SLC43A1: variants seen among roughly 807,000 people sequenced by gnomAD.
SLC43A1 encodes the protein solute carrier family 43 member 1.
SLC43A1 carries 31 observed loss-of-function variants against 59.5 expected under a neutral mutation model. That is an observed-to-expected ratio of 0.52 (90% confidence interval 0.39 to 0.70). SLC43A1 has a LOEUF of 0.70. Among genes scored for constraint, SLC43A1 ranks in the 30% least tolerant of loss-of-function variants. The probability of loss-of-function intolerance (pLI) is 0.00; values close to 1 mark genes in which losing one functional copy is unlikely to be tolerated. For synonymous variants in SLC43A1, 259 were observed against 290.9 expected, an observed-to-expected ratio of 0.89 and a Z score of 1.12; for missense variants, 598 against 717.8, an observed-to-expected ratio of 0.83 and a Z score of 1.91.
At chr11:57,495,294 G>A (rs1261390730) in intron 7 of SLC43A1, among the ~76,000 whole-genome samples, 1 of 151,770 alleles carries the variant, frequency 6.6e-6, no homozygotes, top group Non-Finnish European at 1.5e-5. Context: ...TTCAAGACCA[G>A]CCTGGCCAAC....
chr11:57,513,943 C>CCCCCCAAATTA lies in SLC43A1; in HGVS notation c.154+14_154+15insTAATTTGGGGG. ...ATCCCTCCCCCCAGCCCACCCAGCC[C>CCCCCCAAATTA]ATTTTCAGGCATACCTGGGCACGTG... On this transcript the variant is annotated intron_variant, in intron 2 of 14. Coordinates refer to ENST00000278426, the MANE Select transcript of SLC43A1 (RefSeq NM_003627.6). The CCCCCCAAATTA allele has an allele frequency of 2.7e-6, 4 of 1,454,690 alleles. No individual in the cohort carries two copies. The highest frequency in any genetic ancestry group is 1.4e-5 in the African/African-American group (1 of 71,724). 90.1% of individuals were successfully genotyped at this position (1,454,690 alleles called of 1,614,324 possible).
chr11:57,508,906 C>T (rs1218870696), intron 2 of SLC43A1, among the ~76,000 whole-genome samples: 1 of 151,874 alleles, frequency 6.6e-6, no homozygotes, highest in Non-Finnish European at 1.5e-5. Flanking sequence ...CACTTGAGGC[C>T]GGGAGTTCCA....
Position 57,515,396 on chromosome 11 carries a change from C to T in SLC43A1, c.-14+48G>A, listed in dbSNP as rs1377068553. ...CGGCCTCGGTGTCTCTCAGCCGACG[C>T]ATAGCCGGAGACCCTACGCGCGCCC... On this transcript the variant is annotated intron_variant, in intron 1 of 14. Transcript: ENST00000278426. This position sits in a 1 kb window ranked among gnomAD's most constrained non-coding sequence, Gnocchi z 5.3. 6.6e-6 allele frequency: 1 copy of T among 152,268 alleles called. No homozygotes were observed. The highest frequency in any genetic ancestry group is 2.4e-5 in the African/African-American group (1 of 41,470). The allele number at this position is 152,268 out of a possible 1,614,324, so 9.4% of individuals were successfully genotyped here.
chr11:57,499,687 G>T (rs1037007819), intron 5 of SLC43A1: 10 of 152,598 alleles, frequency 6.6e-5, no homozygotes, highest in African/African-American at 2.4e-4. Context: ...CGGCCCAGGG[G>T]GCGGGGCCGG....
chr11:57,495,335 C>T (rs1944047402), intron 7 of SLC43A1, among the ~76,000 whole-genome samples: 1 of 151,254 alleles, frequency 6.6e-6, no homozygotes, highest in South Asian at 2.1e-4. Flanking sequence ...CTAAAAAATA[C>T]AAAAATTAGC....
chr11:57,491,934 G>A, intron 8 of SLC43A1, 72 bp from the exon 9 acceptor site: 7 of 1,440,318 alleles, frequency 4.9e-6, no homozygotes, highest in Non-Finnish European at 6.7e-6. Context: ...AGCTCATGCA[G>A]TTCTTGGGGG....
intron 2 of SLC43A1, among the ~76,000 whole-genome samples, chr11:57,503,964 A>C (rs1944331515): frequency 6.6e-6 from 1 of 152,114 alleles, no homozygotes; most frequent in Admixed American, 6.6e-5. Context: ...GAGGCCAAGG[A>C]GGGTAAATCA....
At chr11:57,491,134 A>C in intron 11 of SLC43A1, 90 bp downstream of exon 11, 2 of 1,415,206 alleles carry the variant, frequency 1.4e-6, no homozygotes, top group Non-Finnish European at 1.9e-6. Flanking sequence ...TCTTGGGAGA[A>C]AGCAACAAGT....
chr11:57,490,980 T>A (rs1218084121), intron 11 of SLC43A1, among the ~76,000 whole-genome samples: 1 of 152,124 alleles, frequency 6.6e-6, no homozygotes, highest in African/African-American at 2.4e-5. Flanking sequence ...CTCAAAGAGG[T>A]GTTGTAGGAC....
In SLC43A1 at chr11:57,484,778, C is replaced by G. The variant is rs1296508299; in HGVS notation, c.*318G>C. The G allele has an allele frequency of 7.8e-6, 2 of 256,820 alleles. No individual in the cohort carries two copies. Among genetic ancestry groups the G allele is most frequent in the Non-Finnish European group, 1.5e-5 (2 of 132,940 alleles). 15.9% of individuals were successfully genotyped at this position (256,820 alleles called of 1,614,324 possible). ...CAGGGGTAGCCTGTTTGCCGATCCC[C>G]CCAAGAGGTACCAGGAGGCAGACCG... On this transcript the variant is annotated 3_prime_UTR_variant, in exon 15 of 15. Transcript: ENST00000278426.
intron 10 of SLC43A1, 50 bp downstream of exon 10, chr11:57,491,541 G>T (rs112839175): frequency 6.2e-7 from 1 of 1,610,618 alleles, no homozygotes; most frequent in South Asian, 1.1e-5. Context: ...CCTGAGAAGC[G>T]GGTTGCAGTG....
intron 2 of SLC43A1, among the ~76,000 whole-genome samples, chr11:57,509,594 A>AAAGGAAGGAAGGAAGGAAGGAAGG (rs1218558916): frequency 4.1e-4 from 32 of 78,666 alleles, no homozygotes; most frequent in African/African-American, 1.3e-3. Context: ...TCAGAAGGAC[A>AAAGGAAGGAAGGAAGGAAGGAAGG]AAGGAAGGAA....
At chr11:57,497,629 T>C (rs1273861348) in intron 6 of SLC43A1, 124 bp downstream of exon 6, 8 of 661,246 alleles carry the variant, frequency 1.2e-5, no homozygotes, top group South Asian at 3.8e-5. Context: ...AAGGCCTGCA[T>C]TGGGATGATG....
intron 10 of SLC43A1, 67 bp from the exon 11 acceptor site, chr11:57,491,429 G>A: frequency 6.4e-7 from 1 of 1,558,192 alleles, no homozygotes; most frequent in Non-Finnish European, 8.7e-7. Context: ...ACCCCTTCCA[G>A]CGGAGGCCAG....
At chr11:57,493,922 A>G (rs1944002598) in intron 8 of SLC43A1, 71 bp downstream of exon 8, 2 of 1,442,158 alleles carry the variant, frequency 1.4e-6, no homozygotes, top group Non-Finnish European at 9.3e-7. Flanking sequence ...ATACTCAACC[A>G]TGAGTGCTCA....
rs1355919895 is a variant in SLC43A1 at position 57,491,221 on chromosome 11, C to A, written c.1193+3G>T. Reference sequence around the variant, plus strand: ...TGTCACCATCCCTGTACAGGCAGGTCACCTGGCATCTCCGAGGACAGTGCC... The same window carrying A: ...TGTCACCATCCCTGTACAGGCAGGTAACCTGGCATCTCCGAGGACAGTGCC... On this transcript the variant is annotated splice_donor_region_variant and intron_variant, in intron 11 of 14. Transcript: ENST00000278426. The A allele has an allele frequency of 1.3e-6, 2 of 1,557,762 alleles. No homozygotes were observed. The highest frequency in any genetic ancestry group is 1.7e-6 in the Non-Finnish European group (2 of 1,149,810).
chr11:57,506,892 G>A (rs1271035059), intron 2 of SLC43A1, among the ~76,000 whole-genome samples: 5 of 152,198 alleles, frequency 3.3e-5, no homozygotes, highest in Non-Finnish European at 7.3e-5. Flanking sequence ...CACTTATGCT[G>A]GATATAGAGT....
In SLC43A1 at chr11:57,493,973, C is replaced by A. The variant is rs374773322; in HGVS notation, c.871+20G>T. Reference sequence around the variant, plus strand: ...CACCATCACTATCCCCCAAGGCCGGCACCTTGACCAGACACTCACTCTCAG... The same window carrying A: ...CACCATCACTATCCCCCAAGGCCGGAACCTTGACCAGACACTCACTCTCAG... On this transcript the variant is annotated intron_variant, in intron 8 of 14. Coordinates refer to ENST00000278426, the MANE Select transcript of SLC43A1 (RefSeq NM_003627.6). 21 of 1,563,832 alleles carry A rather than the reference C, an allele frequency of 1.3e-5. No individual in the cohort carries two copies. In the East Asian group the frequency reaches 3.2e-4, roughly 24 times the overall value.
Position 57,508,016 on chromosome 11 carries a change from C to T in SLC43A1, c.154+5942G>A, listed in dbSNP as rs564954510. Among the ~76,000 whole-genome samples, 22 of 152,248 alleles carry T rather than the reference C, an allele frequency of 1.4e-4. No homozygotes were observed. In the East Asian group the frequency reaches 3.7e-3, roughly 25 times the overall value. On this transcript the variant is annotated intron_variant, in intron 2 of 14. Coordinates refer to ENST00000278426, the MANE Select transcript of SLC43A1 (RefSeq NM_003627.6). ...GCACGGTGGCTCACGCCTGTAATCC[C>T]GACACTTTGGGAGGCCAAGGCGGGT...
Sources: allele counts gnomAD v4.1 joint callset (sites outside exome capture counted in the v4.1 genomes callset), GRCh38; gene constraint gnomAD v4.1.1; non-coding constraint Gnocchi (gnomAD v3.1); transcripts MANE v1.5; gene names NCBI Gene and HGNC (gene_info 2026-07-23, HGNC 2026-07-21).